IGFN1: variants seen among roughly 807,000 people sequenced by gnomAD.
IGFN1 encodes immunoglobulin-like and fibronectin type III domain-containing protein 1.
IGFN1 carries 253 observed loss-of-function variants against 289.5 expected under a neutral mutation model. That is an observed-to-expected ratio of 0.87 (90% CI 0.79 to 0.97). IGFN1 has a LOEUF of 0.97. Ranked by LOEUF, IGFN1 falls within the 50% of genes least tolerant of loss-of-function variation. The probability of loss-of-function intolerance (pLI) is 0.00; values close to 1 mark genes in which losing one functional copy is unlikely to be tolerated. For synonymous variants in IGFN1, 1,706 were observed against 1,788.5 expected (o/e 0.95, Z 1.16); for missense variants, 4,470 against 4,686.1 (o/e 0.95, Z 1.35).
In IGFN1 at chr1:201,212,734, G is replaced by A. The variant is rs1420644228; in HGVS notation, c.7841G>A (p.Gly2614Glu). ...MPGGRGKSTS[G>E]PADRQGTSNA... ...GGGGGAAGGGGCAAGTCAACATCAG[G>A]GCCTGCTGATAGACAAGGGACGAGC... Residue 2614 changes from glycine (G) to glutamate (E), a missense_variant, in exon 12 of 24, where the codon GGG (glycine) becomes GAG (glutamate). This residue lies in a region of IGFN1 where 2,218 missense variants were observed against 2,114.1 expected (regional missense o/e 1.05). Coordinates refer to ENST00000335211, the MANE Select transcript of IGFN1 (RefSeq NM_001164586.2). 3 of 1,551,430 alleles carry A rather than the reference G, an allele frequency of 1.9e-6. No individual in the cohort carries two copies. Among genetic ancestry groups the A allele is most frequent in the East Asian group, 2.4e-5 (1 of 40,918 alleles).
intron 20 of IGFN1, among the ~76,000 whole-genome samples, chr1:201,224,090 G>A (rs1457634562): frequency 1.3e-5 from 2 of 152,142 alleles, no homozygotes; most frequent in African/African-American, 2.4e-5. Context: ...GGTGCCCACC[G>A]TGCCCTGTAC....
chr1:201,191,539 T>G, intron 1 of IGFN1, among the ~76,000 whole-genome samples: 1 of 152,202 alleles, frequency 6.6e-6, no homozygotes, highest in East Asian at 1.9e-4. Flanking sequence ...TCTTCTCAAA[T>G]GTGGGAATGA....
At chr1:201,191,583 C>A (rs947941015) in intron 1 of IGFN1, among the ~76,000 whole-genome samples, 1 of 152,134 alleles carries the variant, frequency 6.6e-6, no homozygotes, top group Non-Finnish European at 1.5e-5. Flanking sequence ...CCTTTCTCAT[C>A]CCTTCCAACT....
rs1251644891 is a variant in IGFN1, at chr1:201,207,921, A to T, written c.3028A>T (p.Arg1010Trp). 1 of 1,536,782 alleles carries T rather than the reference A, an allele frequency of 6.5e-7. No individual in the cohort carries two copies. Among genetic ancestry groups the T allele is most frequent in the Non-Finnish European group, 8.7e-7 (1 of 1,146,768 alleles). The change falls in exon 12 of 24, where the codon AGG (arginine) becomes TGG (tryptophan). Residue 1010 changes from arginine (R) to tryptophan (W), a missense_variant. By Grantham distance (101) the Arg-to-Trp change is moderately radical. Transcript: ENST00000335211. The stretch of plus-strand genomic sequence containing the variant: ...GGAGTCTGAGGAAGGGGGTGGGTAC[A>T]GGCATGGCTCCGGAGCGCCTGGGGG... ...GVESEEGGGY[R>W]HGSGAPGGVW...
Position 201,209,449 on chromosome 1 carries a change from C to G in IGFN1, c.4556C>G (p.Ser1519Cys). The G allele has an allele frequency of 6.5e-7, 1 of 1,531,832 alleles. No individual in the cohort carries two copies. Among genetic ancestry groups the G allele is most frequent in the Non-Finnish European group, 8.7e-7 (1 of 1,145,444 alleles). The allele number at this position is 1,531,832 out of a possible 1,614,324, so 94.9% of individuals were successfully genotyped here. The change falls in exon 12 of 24, where the codon TCT becomes TGT. Residue 1519 changes from serine to cysteine, a missense_variant. Physicochemically the swap from Ser to Cys is moderately radical, Grantham distance 112. Around this residue, in one of 8 missense-constraint regions of IGFN1, gnomAD observed 2,011 missense variants for 1,953.4 expected, o/e 1.03. Coordinates refer to ENST00000335211, the MANE Select transcript of IGFN1 (RefSeq NM_001164586.2). ...GCAGGTTATAGGGGTGGCTTAGGTT[C>G]TGGGGAAATGGGGTCTGTGGATAAG... ...SKAGYRGGLG[S>C]GEMGSVDKAG...
chr1:201,208,685 A>T lies in IGFN1; in HGVS notation c.3792A>T (p.Ser1264=). 1 of 1,537,032 alleles carries T rather than the reference A, an allele frequency of 6.5e-7. No individual in the cohort carries two copies. Among genetic ancestry groups the T allele is most frequent in the Non-Finnish European group, 8.7e-7 (1 of 1,146,794 alleles). Reference sequence around the variant, plus strand: ...CAGGAGGCCTCCAAGGAATGGGATCAGCAGATGGGCCAGGTTGTAGGAAGG... The same window carrying T: ...CAGGAGGCCTCCAAGGAATGGGATCTGCAGATGGGCCAGGTTGTAGGAAGG... ...DGSGGLQGMG[S]ADGPGCRKGI... The change falls in exon 12 of 24, where the codon TCA becomes TCT. Residue 1264 remains serine, a synonymous_variant. Coordinates refer to ENST00000335211, the MANE Select transcript of IGFN1 (RefSeq NM_001164586.2).
At position 201,193,271 on chromosome 1, in the gene IGFN1, G is replaced by A; in HGVS notation, c.-23G>A. On this transcript the variant is annotated 5_prime_UTR_variant, in exon 2 of 24. Transcript: ENST00000335211. ...GGGTAATAGAACTTCTACCCTCAGA[G>A]GAGTCAAAGAGGAGGCAGAACTATG... The A allele has an allele frequency of 6.5e-7, 1 of 1,528,628 alleles. No homozygotes were observed. The highest frequency in any genetic ancestry group is 8.9e-7 in the Non-Finnish European group (1 of 1,125,508). The allele number at this position is 1,528,628 out of a possible 1,614,324, so 94.7% of individuals were successfully genotyped here. A position where few individuals can be genotyped will look rare whatever the true frequency, so the allele number is the denominator to read the frequency against.
At chr1:201,216,261 C>T (rs1653257749) in intron 15 of IGFN1, 193 bp from the exon 16 acceptor site, 1 of 601,272 alleles carries the variant, frequency 1.7e-6, no homozygotes, top group Non-Finnish European at 2.9e-6. Context: ...GGGGTGGAGA[C>T]ATCTCAAGAA....
chr1:201,215,272 C>A, intron 14 of IGFN1, 118 bp downstream of exon 14: 3 of 1,141,394 alleles, frequency 2.6e-6, no homozygotes, highest in Non-Finnish European at 3.7e-6. Context: ...AGTATCTAAT[C>A]TCATCCCCAG....
At position 201,216,759 on chromosome 1, in the gene IGFN1, A is replaced by G. The variant is rs1454679114; in HGVS notation, c.9595+6A>G. 1 of 1,588,974 alleles carries G rather than the reference A, an allele frequency of 6.3e-7. No homozygotes were observed. Among genetic ancestry groups the G allele is most frequent in the African/African-American group, 1.4e-5 (1 of 73,932 alleles). ...GATATTGGTGGCTCCTGAGGGTGAG[A>G]GAAAAGGCTGGGGCTGGGGGTGGGG... On this transcript the variant is annotated splice_donor_region_variant and intron_variant, in intron 16 of 23. Coordinates refer to ENST00000335211, the MANE Select transcript of IGFN1 (RefSeq NM_001164586.2).
rs752950183 is a variant in IGFN1, at chr1:201,218,669, C to T, written c.9898+11C>T. ...CTCGGGACCCCATGAGTAAGTAGGG[C>T]ACCAACCCAGGATGGGGGTGGAGGT... On this transcript the variant is annotated intron_variant, in intron 18 of 23. Coordinates refer to ENST00000335211, the MANE Select transcript of IGFN1 (RefSeq NM_001164586.2). 4.7e-5 allele frequency: 75 copies of T among 1,598,256 alleles called. No homozygotes were observed. The highest frequency in any genetic ancestry group is 5.7e-5 in the Non-Finnish European group (67 of 1,176,928).
In IGFN1 at chr1:201,213,482, G is replaced by A; in HGVS notation, c.8589G>A (p.Arg2863=). The A allele has an allele frequency of 6.2e-7, 1 of 1,614,036 alleles. No homozygotes were observed. The highest frequency in any genetic ancestry group is 8.5e-7 in the Non-Finnish European group (1 of 1,179,956). Residue 2863 remains arginine, a synonymous_variant, in exon 12 of 24, where the codon CGG becomes CGA. Coordinates refer to ENST00000335211, the MANE Select transcript of IGFN1 (RefSeq NM_001164586.2). ...LEEMLNEDQS[R]EPPGHLGSRR... Reference sequence around the variant, plus strand: ...AGATGCTGAATGAAGATCAGAGCCGGGAGCCCCCTGGTCACCTTGGTAGCA... The same window carrying A: ...AGATGCTGAATGAAGATCAGAGCCGAGAGCCCCCTGGTCACCTTGGTAGCA...
At chr1:201,222,441 G>A (rs73087077) in intron 19 of IGFN1, 17 of 302,858 alleles carry the variant, frequency 5.6e-5, no homozygotes, top group East Asian at 1.7e-4. Flanking sequence ...AAACATAAGC[G>A]CTCTGCCACA....
intron 15 of IGFN1, chr1:201,216,181 G>A: frequency 1.7e-6 from 1 of 601,678 alleles, no homozygotes; most frequent in Admixed American, 2.7e-5. Context: ...GCCCATACCA[G>A]CCACCGGACG....
Position 201,206,863 on chromosome 1 carries a change from GTGGGACTGGCC to G in IGFN1, c.1976_1986del (p.Thr659ArgfsTer31). ...GGGAGAGGAATAGTAGTGTGGGGTGGTGGGACTGGCCTGGGAGAAGCTGGAGACAGCAATGG... is the reference window on the plus strand; with the variant it reads ...GGGAGAGGAATAGTAGTGTGGGGTGGTGGGAGAAGCTGGAGACAGCAATGG... On this transcript the variant is annotated frameshift_variant, in exon 12 of 24. Transcript: ENST00000335211. LOFTEE classifies it high-confidence loss of function. 1 of 1,536,492 alleles carries G rather than the reference GTGGGACTGGCC, an allele frequency of 6.5e-7. No homozygotes were observed. The highest frequency in any genetic ancestry group is 8.7e-7 in the Non-Finnish European group (1 of 1,146,572).
Position 201,227,071 on chromosome 1 carries a change from C to T in IGFN1, c.10976C>T (p.Ala3659Val), listed in dbSNP as rs372174499. The T allele has an allele frequency of 2.9e-5, 46 of 1,613,666 alleles. No individual in the cohort carries two copies. In the African/African-American group the frequency reaches 3.9e-4, roughly 14 times the overall value. Reference protein sequence around the residue: ...KNDRSLEGNPAVYSTDLLGVC... With the variant: ...KNDRSLEGNPVVYSTDLLGVC... ...GACCGCAGCCTGGAAGGAAACCCCG[C>T]GGTGTACAGCACTGACCTGCTGGGC... The change falls in exon 23 of 24, where the codon GCG becomes GTG. Residue 3659 changes from alanine to valine, a missense_variant. Around this residue, in one of 8 missense-constraint regions of IGFN1, gnomAD observed 2,218 missense variants for 2,114.1 expected, o/e 1.05. Transcript: ENST00000335211.
At position 201,216,661 on chromosome 1, in the gene IGFN1, C is replaced by G; in HGVS notation, c.9503C>G (p.Pro3168Arg). 1 of 1,614,022 alleles carries G rather than the reference C, an allele frequency of 6.2e-7. No individual in the cohort carries two copies. The highest frequency in any genetic ancestry group is 8.5e-7 in the Non-Finnish European group (1 of 1,179,972). The change falls in exon 16 of 24, where the codon CCA becomes CGA. Residue 3168 changes from proline (P) to arginine (R), a missense_variant. By Grantham distance (103) the Pro-to-Arg change is moderately radical. Coordinates refer to ENST00000335211, the MANE Select transcript of IGFN1 (RefSeq NM_001164586.2). The part of the protein sequence containing the change: ...STTFTDAHVE[P>R]GRKYTFRVRA... ...ACCTTCACGGATGCCCATGTGGAGC[C>G]AGGCAGGAAGTATACCTTCCGAGTG...
At position 201,212,167 on chromosome 1, in the gene IGFN1, G is replaced by C; in HGVS notation, c.7274G>C (p.Gly2425Ala). Reference protein sequence around the residue: ...VDGAGPGVEPGMAGMPGTAGG... With the variant: ...VDGAGPGVEPAMAGMPGTAGG... ...GGGGCAGGACCTGGGGTGGAACCTGGGATGGCTGGAATGCCAGGCACTGCA... is the reference window on the plus strand; with the variant it reads ...GGGGCAGGACCTGGGGTGGAACCTGCGATGGCTGGAATGCCAGGCACTGCA... Residue 2425 changes from glycine (G) to alanine (A), a missense_variant, in exon 12 of 24, where the codon GGG (glycine) becomes GCG (alanine). By Grantham distance (60) the Gly-to-Ala change is moderately conservative. This residue lies in a region of IGFN1 where 2,218 missense variants were observed against 2,114.1 expected (regional missense o/e 1.05). Transcript: ENST00000335211. 6.5e-7 allele frequency: 1 copy of C among 1,536,036 alleles called. No individual in the cohort carries two copies. Among genetic ancestry groups the C allele is most frequent in the Non-Finnish European group, 8.7e-7 (1 of 1,146,592 alleles).
intron 18 of IGFN1, among the ~76,000 whole-genome samples, chr1:201,219,603 CT>C (rs1358457487): frequency 1.3e-5 from 2 of 152,226 alleles, no homozygotes. Flanking sequence ...TTCTCATCCC[CT>C]AATCAGTTTG....
Sources: allele counts gnomAD v4.1 joint callset (sites outside exome capture counted in the v4.1 genomes callset), GRCh38; gene constraint gnomAD v4.1.1; regional missense constraint gnomAD v4.1.1; transcripts MANE v1.5; gene names NCBI Gene and HGNC (gene_info 2026-07-23, HGNC 2026-07-21).